Variants in DMXL1 observed in about 807,000 individuals in gnomAD.
DMXL1 encodes dmX-like protein 1.
In DMXL1, 99 loss-of-function variants were observed where a neutral mutation model predicts 319.2. The observed-to-expected ratio is 0.31, with a 90% CI of 0.26 to 0.37. DMXL1 has a LOEUF of 0.37. Ranked by LOEUF, DMXL1 falls within the 10% of genes least tolerant of loss-of-function variation. The pLI is 1.00. For synonymous variants in DMXL1, 1,385 were observed against 1,235.2 expected (o/e 1.12, Z -2.54); for missense variants, 3,745 against 3,595.6 (o/e 1.04, Z -1.06).
intron 9 of DMXL1, among the ~76,000 whole-genome samples, chr5:119,122,740 T>C (rs1561643083): frequency 6.7e-6 from 1 of 149,898 alleles, no homozygotes. Context: ...ACTTCCTAGA[T>C]GTGATGGTGG....
At chr5:119,186,967 C>G (rs1241714525) in intron 28 of DMXL1, among the ~76,000 whole-genome samples, 1 of 151,886 alleles carries the variant, frequency 6.6e-6, no homozygotes, top group Non-Finnish European at 1.5e-5. Flanking sequence ...GGAGATATAT[C>G]TAATGTAAAT....
chr5:119,130,425 C>T (rs1227396610), intron 10 of DMXL1, among the ~76,000 whole-genome samples: 1 of 152,090 alleles, frequency 6.6e-6, no homozygotes, highest in Admixed American at 6.5e-5. Context: ...TCACTGCAGC[C>T]TCCACCTCCC....
chr5:119,101,752 G>C, intron 2 of DMXL1, among the ~76,000 whole-genome samples, 183 bp from the exon 3 acceptor site: 1 of 152,162 alleles, frequency 6.6e-6, no homozygotes, highest in East Asian at 1.9e-4. Context: ...AGTTAACGTA[G>C]TAAGTTGCAG....
chr5:119,212,969 C>T (rs1044631259), intron 34 of DMXL1, among the ~76,000 whole-genome samples: 6 of 152,066 alleles, frequency 3.9e-5, no homozygotes, highest in African/African-American at 1.4e-4. Context: ...ATTCCCAAAC[C>T]TTCTTAAACC....
intron 7 of DMXL1, among the ~76,000 whole-genome samples, chr5:119,118,282 GAC>G (rs1330805352): frequency 2.0e-5 from 3 of 152,178 alleles, no homozygotes; most frequent in Non-Finnish European, 4.4e-5. Context: ...AGCTTTTTGT[GAC>G]AGTGTGCAGG....
chr5:119,092,547 T>C (rs1454662042), intron 1 of DMXL1, among the ~76,000 whole-genome samples: 2 of 152,242 alleles, frequency 1.3e-5, no homozygotes, highest in African/African-American at 4.8e-5. Flanking sequence ...GTGTAAATTT[T>C]AGTGGTTTTA....
chr5:119,218,446 T>G, intron 35 of DMXL1, among the ~76,000 whole-genome samples: 1 of 151,720 alleles, frequency 6.6e-6, no homozygotes, highest in South Asian at 2.1e-4. Flanking sequence ...TTTTATTTTA[T>G]TTTACTTTAT....
At chr5:119,210,520 C>T (rs1782567547) in intron 34 of DMXL1, among the ~76,000 whole-genome samples, 1 of 152,106 alleles carries the variant, frequency 6.6e-6, no homozygotes, top group South Asian at 2.1e-4. Context: ...ATTGTTACAG[C>T]ATTATTTCTT....
chr5:119,184,013 A>G (rs574132640), intron 28 of DMXL1, among the ~76,000 whole-genome samples: 10 of 151,694 alleles, frequency 6.6e-5, no homozygotes, highest in African/African-American at 1.7e-4. Context: ...AAGAAATGCA[A>G]CATTCATTTA....
chr5:119,178,394 C>T (rs1776215561), intron 28 of DMXL1, 150 bp downstream of exon 28: 4 of 962,666 alleles, frequency 4.2e-6, no homozygotes, highest in East Asian at 2.7e-5. Flanking sequence ...AGTGAAAATG[C>T]AGTATTAAAG....
At chr5:119,143,521 A>G (rs577582714) in intron 13 of DMXL1, among the ~76,000 whole-genome samples, 12 of 152,170 alleles carry the variant, frequency 7.9e-5, no homozygotes, top group African/African-American at 2.9e-4. Context: ...CTCAAAATTA[A>G]TGTTTAAAAA....
chr5:119,196,850 G>C (rs1005437794), intron 31 of DMXL1, among the ~76,000 whole-genome samples: 1 of 152,114 alleles, frequency 6.6e-6, no homozygotes, highest in African/African-American at 2.4e-5. Context: ...ATTCTGCTAT[G>C]AACTATAGTT....
Position 119,178,183 on chromosome 5 carries a change from T to C in DMXL1, c.7074T>C (p.Ala2358=), listed in dbSNP as rs1351972326. The stretch of plus-strand genomic sequence containing the variant: ...CTCTAAATGAGAAAATGTGGTCTGC[T>C]GTGTTTGGTGGAGGTGCACATGTTC... ...AHPLNEKMWS[A]VFGGGAHVPS... is the part of the protein sequence containing the mutation. The change falls in exon 28 of 44, where the codon GCT becomes GCC. Residue 2358 remains alanine, a synonymous_variant. Transcript: ENST00000539542. The C allele has an allele frequency of 1.2e-6, 2 of 1,613,952 alleles. No homozygotes were observed. The highest frequency in any genetic ancestry group is 1.3e-5 in the African/African-American group (1 of 75,040).
At chr5:119,226,621 C>T (rs1785618580) in intron 38 of DMXL1, among the ~76,000 whole-genome samples, 1 of 152,118 alleles carries the variant, frequency 6.6e-6, no homozygotes, top group African/African-American at 2.4e-5. Context: ...AATTATGACA[C>T]AGTCTACCTG....
chr5:119,113,587 G>T (rs904520248), intron 5 of DMXL1, among the ~76,000 whole-genome samples: 2 of 152,138 alleles, frequency 1.3e-5, no homozygotes, highest in Non-Finnish European at 2.9e-5. Context: ...TCAGTTTCTA[G>T]CCCTACTTTT....
chr5:119,076,488 A>G (rs555011205), intron 1 of DMXL1, among the ~76,000 whole-genome samples: 28 of 152,148 alleles, frequency 1.8e-4, no homozygotes, highest in Non-Finnish European at 3.4e-4. Context: ...ACATGTGAAG[A>G]AAGAGAAAGG....
intron 1 of DMXL1, among the ~76,000 whole-genome samples, chr5:119,084,076 T>C (rs1752796334): frequency 6.6e-6 from 1 of 152,168 alleles, no homozygotes; most frequent in Non-Finnish European, 1.5e-5. Flanking sequence ...CTGTTGGCCA[T>C]TTGTATGTCT....
chr5:119,244,131 A>T (rs944665354), intron 42 of DMXL1, among the ~76,000 whole-genome samples: 1 of 152,172 alleles, frequency 6.6e-6, no homozygotes, highest in Non-Finnish European at 1.5e-5. Context: ...CTAAGTAGTA[A>T]GCTAGGGCAG....
intron 40 of DMXL1, among the ~76,000 whole-genome samples, chr5:119,237,787 A>C (rs1788028365): frequency 6.6e-6 from 1 of 152,042 alleles, no homozygotes; most frequent in South Asian, 2.1e-4. Context: ...CTTATGAACA[A>C]ACAAAGTGAA....
Sources: allele counts gnomAD v4.1 joint callset (sites outside exome capture counted in the v4.1 genomes callset), GRCh38; gene constraint gnomAD v4.1.1; transcripts MANE v1.5; gene names NCBI Gene and HGNC (gene_info 2026-07-23, HGNC 2026-07-21).